Variants in TTLL8 observed in about 807,000 individuals in gnomAD.
The protein encoded by TTLL8 is tubulin tyrosine ligase like 8, also known as protein monoglycylase TTLL8.
Under a neutral mutation model 77.8 loss-of-function variants are expected in TTLL8, and 65 were observed. The ratio of observed to expected loss-of-function variants is 0.84; its 90% CI spans 0.68 to 1.03. TTLL8 has a LOEUF of 1.03. Ranked by LOEUF, TTLL8 falls within the 50% of genes least tolerant of loss-of-function variation. TTLL8 has a pLI of 0.00. For missense variants in TTLL8, 910 were observed against 1,004.5 expected (o/e 0.91, Z 1.27); for synonymous variants, 402 against 422.8 (o/e 0.95, Z 0.60).
chr22:50,057,413 G>A (rs1290867774), upstream of TTLL8, among the ~76,000 whole-genome samples: 13 of 47,598 alleles, frequency 2.7e-4, no homozygotes, highest in African/African-American at 9.7e-4. Flanking sequence ...GGTTGGGCGG[G>A]AGGTCTGGGT....
At chr22:50,055,630 G>C (rs957517117), upstream of TTLL8, among the ~76,000 whole-genome samples, 1 of 148,246 alleles carries the variant, frequency 6.7e-6, no homozygotes, top group Non-Finnish European at 1.5e-5. Flanking sequence ...ACTCCAGCAT[G>C]GGCAACAAGA....
intron 8 of TTLL8, among the ~76,000 whole-genome samples, chr22:50,035,849 C>T (rs1490522281): frequency 2.0e-5 from 3 of 152,238 alleles, no homozygotes; most frequent in Non-Finnish European, 4.4e-5. Flanking sequence ...CCTCCCAGGA[C>T]AGCCCAGCCC....
intron 1 of TTLL8, among the ~76,000 whole-genome samples, chr22:50,053,821 T>C (rs762949335): frequency 6.6e-6 from 1 of 152,146 alleles, no homozygotes; most frequent in African/African-American, 2.4e-5. Context: ...TACCTGAGGG[T>C]GATGGAACGG....
chr22:50,023,249 G>A (rs2061214774), intron 12 of TTLL8, among the ~76,000 whole-genome samples: 1 of 152,104 alleles, frequency 6.6e-6, no homozygotes, highest in South Asian at 2.1e-4. Flanking sequence ...ATTGCTTGGA[G>A]AAACTGAAAA....
intron 12 of TTLL8, among the ~76,000 whole-genome samples, chr22:50,020,288 T>TGTTCACTCCTCCATCTGAC (rs2061186920): frequency 7.6e-6 from 1 of 131,634 alleles, no homozygotes; most frequent in Non-Finnish European, 1.6e-5. Context: ...CTCCATCTGA[T>TGTTCACTCCTCCATCTGAC]GTGCACTCCT....
intron 12 of TTLL8, chr22:50,027,643 G>T (rs757682604): frequency 4.4e-5 from 43 of 985,330 alleles, no homozygotes; most frequent in Non-Finnish European, 5.1e-5. Context: ...AGCTCCAAGG[G>T]CCAGCACGCA....
chr22:50,046,003 G>A (rs2061408837), intron 4 of TTLL8, 33 bp from the exon 7 acceptor site: 5 of 1,318,892 alleles, frequency 3.8e-6, no homozygotes, highest in Non-Finnish European at 5.0e-6. Context: ...GGCAGGAGGG[G>A]CAGCTCAGCT....
chr22:50,049,103 G>A (rs546116053), intron 3 of TTLL8, 146 bp downstream of exon 5: 1,511 of 1,259,838 alleles, frequency 1.2e-3, no homozygotes, highest in Non-Finnish European at 1.4e-3. Context: ...CCTGCTGCCC[G>A]GTCAAGGGGC....
chr22:50,019,513 A>C (rs1425807597), intron 12 of TTLL8, among the ~76,000 whole-genome samples: 1 of 152,174 alleles, frequency 6.6e-6, no homozygotes, highest in Non-Finnish European at 1.5e-5. Flanking sequence ...TCATGAATCT[A>C]GTGGTCTCTC....
upstream of TTLL8, among the ~76,000 whole-genome samples, chr22:50,058,256 G>T (rs1413965483): frequency 3.3e-5 from 5 of 150,566 alleles, no homozygotes; most frequent in East Asian, 7.8e-4. This position sits in a 1 kb window ranked among gnomAD's most constrained non-coding sequence, Gnocchi z 4.2. Flanking sequence ...CCGGTGCGGC[G>T]GCTGCTGGGC....
chr22:50,028,577 C>A (rs1257474061), intron 12 of TTLL8, among the ~76,000 whole-genome samples: 1 of 150,694 alleles, frequency 6.6e-6, no homozygotes, highest in African/African-American at 2.5e-5. Flanking sequence ...GTCATAAAGA[C>A]CCCCACCATG....
chr22:50,057,514 TGGGGG>T (rs758722229), upstream of TTLL8, among the ~76,000 whole-genome samples: 1 of 47,394 alleles, frequency 2.1e-5, no homozygotes, highest in Non-Finnish European at 3.6e-5. Context: ...AGGTCTGGGT[TGGGGG>T]GTCAGGTCTG....
At chr22:50,038,262 T>C (rs2061349147) in intron 8 of TTLL8, among the ~76,000 whole-genome samples, 1 of 151,360 alleles carries the variant, frequency 6.6e-6, no homozygotes, top group Admixed American at 6.6e-5. Flanking sequence ...TTATCATTTA[T>C]TTAAATTATT....
In TTLL8 at chr22:50,020,427, C is replaced by T. The variant is rs534803793; in HGVS notation, c.2204-3865G>A. The stretch of plus-strand genomic sequence containing the variant: ...TGACAATGTGTACTCCTCCATCTGA[C>T]GTGCACTACTCCATCTGACGAAATG... On this transcript the variant is annotated intron_variant, in intron 12 of 13. Coordinates refer to ENST00000266182, the Ensembl canonical transcript of TTLL8. 3.9e-3 allele frequency among the ~76,000 whole-genome samples: 577 copies of T among 147,910 alleles called. 2 individuals are homozygous for T. The highest frequency in any genetic ancestry group is 0.014 in the African/African-American group (558 of 39,804).
intron 3 of TTLL8, among the ~76,000 whole-genome samples, chr22:50,047,755 G>A (rs1007201933): frequency 6.6e-6 from 1 of 152,208 alleles, no homozygotes; most frequent in Non-Finnish European, 1.5e-5. Flanking sequence ...GGAGCTGGGG[G>A]CCTGTTGTTG....
At chr22:50,047,291 C>A (rs2061418826) in exon 4 of TTLL8, 5 of 1,367,530 alleles carry the variant, frequency 3.7e-6, no homozygotes, top group Non-Finnish European at 4.9e-6. Context: ...TTTTTACCAA[C>A]CTAGACTGGC....
chr22:50,021,349 C>T (rs1164151435), intron 12 of TTLL8, among the ~76,000 whole-genome samples: 4 of 145,450 alleles, frequency 2.8e-5, no homozygotes, highest in Non-Finnish European at 6.0e-5. Flanking sequence ...CTGATATGCA[C>T]TCCTCCATCT....
intron 3 of TTLL8, among the ~76,000 whole-genome samples, chr22:50,048,103 C>A (rs866171833): frequency 7.2e-5 from 10 of 139,248 alleles, no homozygotes; most frequent in South Asian, 4.9e-4. Flanking sequence ...TCTGAAAACA[C>A]CCCCCCAAAA....
chr22:50,049,907 G>C (rs187437488), intron 2 of TTLL8: 1 of 334,962 alleles, frequency 3.0e-6, no homozygotes, highest in Admixed American at 6.5e-5. Context: ...AAGGGAGCAG[G>C]GCTGGGGGCT....
Sources: allele counts gnomAD v4.1 joint callset (sites outside exome capture counted in the v4.1 genomes callset), GRCh38; gene constraint gnomAD v4.1.1; non-coding constraint Gnocchi (gnomAD v3.1); transcripts MANE v1.5; gene names NCBI Gene and HGNC (gene_info 2026-07-23, HGNC 2026-07-21).